Variants in RPN2 observed in about 807,000 individuals in gnomAD.
The protein encoded by RPN2 is dolichyl-diphosphooligosaccharide--protein glycosyltransferase subunit 2.
In RPN2, 29 loss-of-function variants were observed where a neutral mutation model predicts 71.4. The ratio of observed to expected loss-of-function variants is 0.41; its 90% confidence interval spans 0.30 to 0.55. The LOEUF (loss-of-function observed/expected upper bound fraction) is 0.55, where lower values mean the gene tolerates loss of function less well. Ranked by LOEUF, RPN2 falls within the 20% of genes least tolerant of loss-of-function variation. The probability of loss-of-function intolerance (pLI) is 0.35; values close to 1 mark genes in which losing one functional copy is unlikely to be tolerated. For missense variants in RPN2, 726 were observed against 774.1 expected (o/e 0.94, Z 0.74); for synonymous variants, 308 against 305.0 (o/e 1.01, Z -0.10).
intron 6 of RPN2, among the ~76,000 whole-genome samples, chr20:37,205,830 C>T (rs747953962): frequency 1.3e-5 from 2 of 152,104 alleles, no homozygotes; most frequent in South Asian, 4.1e-4. Context: ...AGATTGTTTG[C>T]TGATTGTCCT....
At chr20:37,180,028 A>G (rs544470789) in intron 1 of RPN2, among the ~76,000 whole-genome samples, 7 of 152,344 alleles carry the variant, frequency 4.6e-5, no homozygotes, top group African/African-American at 1.7e-4. Context: ...AGAACAGTGC[A>G]TGGCCCTAGG....
At chr20:37,219,178 A>G (rs1260581665) in intron 9 of RPN2, among the ~76,000 whole-genome samples, 1 of 152,130 alleles carries the variant, frequency 6.6e-6, no homozygotes, top group Non-Finnish European at 1.5e-5. Flanking sequence ...CCTCACCAAC[A>G]CTTGTTATTA....
chr20:37,219,987 G>T (rs1266279077), intron 9 of RPN2, among the ~76,000 whole-genome samples: 1 of 152,174 alleles, frequency 6.6e-6, no homozygotes, highest in African/African-American at 2.4e-5. Flanking sequence ...ATCAAATCTG[G>T]TGTTTGTCCA....
At chr20:37,179,562 C>T (rs1178743265) in intron 1 of RPN2, 193 bp downstream of exon 1, 3 of 1,359,558 alleles carry the variant, frequency 2.2e-6, no homozygotes, top group Non-Finnish European at 2.9e-6. Context: ...CGCGACCTGG[C>T]GGGGTTGGTG....
At chr20:37,198,051 A>G (rs1374471948) in intron 2 of RPN2, among the ~76,000 whole-genome samples, 1 of 152,162 alleles carries the variant, frequency 6.6e-6, no homozygotes, top group African/African-American at 2.4e-5. Flanking sequence ...TTTTCAGGTA[A>G]ATGGGGATAG....
At chr20:37,184,957 C>T (rs1420069684) in intron 2 of RPN2, among the ~76,000 whole-genome samples, 1 of 151,994 alleles carries the variant, frequency 6.6e-6, no homozygotes, top group African/African-American at 2.4e-5. Flanking sequence ...TGAGACTGTC[C>T]AATAACACAT....
chr20:37,202,062 T>C (rs889149742), intron 4 of RPN2, among the ~76,000 whole-genome samples: 5 of 152,236 alleles, frequency 3.3e-5, no homozygotes, highest in African/African-American at 7.2e-5. Context: ...GACAAAACTT[T>C]CTAAAACTCA....
intron 2 of RPN2, among the ~76,000 whole-genome samples, chr20:37,197,330 G>C (rs2067276517): frequency 6.6e-6 from 1 of 152,202 alleles, no homozygotes; most frequent in African/African-American, 2.4e-5. Context: ...GCAGTGTGCA[G>C]AATGGATTGC....
chr20:37,222,100 GT>G (rs1568990405), intron 9 of RPN2, among the ~76,000 whole-genome samples: 1 of 152,220 alleles, frequency 6.6e-6, no homozygotes. Context: ...TACTTGTCGG[GT>G]TGTGTTTTTT....
In RPN2 at chr20:37,232,394, G is replaced by A. The variant is rs757656275; in HGVS notation, c.1677+3G>A. 10 of 1,614,186 alleles carry A rather than the reference G, an allele frequency of 6.2e-6. No individual in the cohort carries two copies. Among genetic ancestry groups the A allele is most frequent in the South Asian group, 3.3e-5 (3 of 91,080 alleles). ...CGTTGCTTCTGCTCTTCGCTCTGGT[G>A]AGTGGCTGTAATTAGCGTGGGCAGC... On this transcript the variant is annotated splice_donor_region_variant and intron_variant, in intron 14 of 16. Transcript: ENST00000237530.
chr20:37,222,833 A>G (rs569180259), intron 9 of RPN2, among the ~76,000 whole-genome samples: 4 of 152,350 alleles, frequency 2.6e-5, no homozygotes, highest in South Asian at 2.1e-4. Context: ...GGATATTTAC[A>G]TTGATTTTAA....
chr20:37,190,838 A>G (rs2067123025), intron 2 of RPN2, among the ~76,000 whole-genome samples: 1 of 152,264 alleles, frequency 6.6e-6, no homozygotes, highest in South Asian at 2.1e-4. Context: ...TGTGCATTAT[A>G]AGTAATGGAA....
intron 9 of RPN2, among the ~76,000 whole-genome samples, chr20:37,214,892 TA>T (rs1333022221): frequency 6.6e-6 from 1 of 152,180 alleles, no homozygotes; most frequent in African/African-American, 2.4e-5. Flanking sequence ...GTAAGTATCC[TA>T]ATGATGTTGT....
At chr20:37,198,123 G>A (rs1260227909) in intron 2 of RPN2, among the ~76,000 whole-genome samples, 1 of 152,216 alleles carries the variant, frequency 6.6e-6, no homozygotes, top group Non-Finnish European at 1.5e-5. Context: ...ACCCAGCACA[G>A]TCCATGGCCA....
chr20:37,210,746 G>A (rs565599257), intron 8 of RPN2, among the ~76,000 whole-genome samples: 1 of 152,108 alleles, frequency 6.6e-6, no homozygotes, highest in African/African-American at 2.4e-5. Flanking sequence ...TGGCCAGGCT[G>A]GTTTCGAACT....
intron 15 of RPN2, among the ~76,000 whole-genome samples, chr20:37,234,971 C>T (rs144764761): frequency 9.8e-5 from 15 of 152,306 alleles, no homozygotes; most frequent in East Asian, 3.9e-4. Flanking sequence ...TGAGCCACCA[C>T]GCCTGGCCTG....
chr20:37,184,211 A>G lies in RPN2; in HGVS notation c.45A>G (p.Thr15=), dbSNP rs765209337. Residue 15 remains threonine (T), a synonymous_variant, in exon 2 of 17, where the codon ACA becomes ACG. Transcript: ENST00000237530. ...GCACTGTCTTCCTGTTGGCCCTGAC[A>G]ATCATAGCCAGCACCTGGGCTCTGA... The part of the protein sequence containing the change: ...GSSTVFLLAL[T]IIASTWALTP... The G allele has an allele frequency of 6.2e-7, 1 of 1,614,174 alleles. No homozygotes were observed. Among genetic ancestry groups the G allele is most frequent in the East Asian group, 2.2e-5 (1 of 44,876 alleles).
intron 1 of RPN2, among the ~76,000 whole-genome samples, chr20:37,181,154 G>T (rs1037957891): frequency 1.3e-5 from 2 of 151,896 alleles, no homozygotes; most frequent in African/African-American, 4.8e-5. Context: ...GCTTGAACCC[G>T]GGAGGCGGAG....
chr20:37,184,154 G>A (rs1469881109), intron 1 of RPN2, 26 bp from the exon 2 acceptor site: 2 of 1,613,584 alleles, frequency 1.2e-6, no homozygotes, highest in Admixed American at 3.3e-5. Flanking sequence ...AGTGTAGAGT[G>A]TACTGAATGG....
Sources: allele counts gnomAD v4.1 joint callset (sites outside exome capture counted in the v4.1 genomes callset), GRCh38; gene constraint gnomAD v4.1.1; transcripts MANE v1.5; gene names NCBI Gene and HGNC (gene_info 2026-07-23, HGNC 2026-07-21).